The following RBMS3 variants were observed in gnomAD, a reference collection of about 807,000 sequenced individuals.
The protein encoded by RBMS3 is RNA-binding motif, single-stranded-interacting protein 3.
Under a neutral mutation model 66.8 loss-of-function variants are expected in RBMS3, and 27 were observed. The observed-to-expected ratio is 0.40, with a 90% CI of 0.30 to 0.56. RBMS3 has a LOEUF of 0.56. RBMS3 is among the 20% of genes least tolerant of loss of function. The pLI is 0.40. For missense variants in RBMS3, 513 were observed against 549.5 expected (o/e 0.93, Z 0.66); for synonymous variants, 188 against 183.0 (o/e 1.03, Z -0.22).
At chr3:29,965,132 T>C (rs1696741796) in intron 12 of RBMS3, among the ~76,000 whole-genome samples, 1 of 152,226 alleles carries the variant, frequency 6.6e-6, no homozygotes, top group Non-Finnish European at 1.5e-5. Flanking sequence ...GATGGGCATT[T>C]GGGTTGGTTC....
At chr3:29,658,531 T>C (rs1008095559) in intron 4 of RBMS3, among the ~76,000 whole-genome samples, 7 of 152,252 alleles carry the variant, frequency 4.6e-5, no homozygotes, top group Non-Finnish European at 8.8e-5. Context: ...TAGCTATGAA[T>C]GTAATCATTC....
At chr3:29,318,330 G>A (rs1037228717) in intron 1 of RBMS3, among the ~76,000 whole-genome samples, 1 of 151,858 alleles carries the variant, frequency 6.6e-6, no homozygotes, top group African/African-American at 2.4e-5. Flanking sequence ...GGTAACTTGG[G>A]TGTCAGTTGC....
chr3:29,739,762 C>T lies in RBMS3; in HGVS notation c.442C>T (p.Pro148Ser), dbSNP rs200900748. Reference protein sequence around the residue: ...DPTNLYISNLPISMDEQELEN... With the variant: ...DPTNLYISNLSISMDEQELEN... ...AACAAACCTATACATCTCAAATCTC[C>T]CCATTTCTATGGATGAGCAGGAGCT... Residue 148 changes from proline (P) to serine (S), a missense_variant, in exon 5 of 15, where the codon CCC becomes TCC. Coordinates refer to ENST00000383767, the MANE Select transcript of RBMS3 (RefSeq NM_001003793.3). 1 of 1,612,292 alleles carries T rather than the reference C, an allele frequency of 6.2e-7. No homozygotes were observed. Among genetic ancestry groups the T allele is most frequent in the Non-Finnish European group, 8.5e-7 (1 of 1,179,206 alleles).
intron 3 of RBMS3, among the ~76,000 whole-genome samples, chr3:29,566,413 T>A (rs1281955471): frequency 6.6e-6 from 1 of 152,114 alleles, no homozygotes; most frequent in South Asian, 2.1e-4. Flanking sequence ...GCATGCAAAT[T>A]GATGTAAAAA....
chr3:29,588,932 G>A lies in RBMS3; in HGVS notation c.399+1727G>A, dbSNP rs148690444. Reference sequence around the variant, plus strand: ...GAAAATGAATAGAAAAATGCTTAACGAAAAAGTTGTTATTGGAATTTCTTG... The same window carrying A: ...GAAAATGAATAGAAAAATGCTTAACAAAAAAGTTGTTATTGGAATTTCTTG... On this transcript the variant is annotated intron_variant, in intron 4 of 14. Coordinates refer to ENST00000383767, the MANE Select transcript of RBMS3 (RefSeq NM_001003793.3). Among the ~76,000 whole-genome samples, 387 of 152,116 alleles carry A rather than the reference G, an allele frequency of 2.5e-3. 3 individuals are homozygous for A. The highest frequency in any genetic ancestry group is 8.8e-3 in the African/African-American group (365 of 41,538).
chr3:29,366,622 G>A (rs544956993), intron 1 of RBMS3, among the ~76,000 whole-genome samples: 1 of 152,006 alleles, frequency 6.6e-6, no homozygotes, highest in East Asian at 1.9e-4. Flanking sequence ...CGATCTGCCC[G>A]TCTCTGCCTC....
intron 4 of RBMS3, among the ~76,000 whole-genome samples, chr3:29,690,209 G>C (rs2149272027): frequency 6.6e-6 from 1 of 152,180 alleles, no homozygotes; most frequent in East Asian, 1.9e-4. Flanking sequence ...CAGCACTTTG[G>C]AAGCCCGAAG....
intron 4 of RBMS3, among the ~76,000 whole-genome samples, chr3:29,700,508 T>G (rs1346623244): frequency 6.6e-6 from 1 of 152,168 alleles, no homozygotes; most frequent in Admixed American, 6.6e-5. Context: ...TGGCTGGCTC[T>G]AGGAATCCAA....
intron 4 of RBMS3, among the ~76,000 whole-genome samples, chr3:29,588,745 A>G (rs2149096368): frequency 6.6e-6 from 1 of 152,222 alleles, no homozygotes; most frequent in East Asian, 1.9e-4. Flanking sequence ...TTAATTAATA[A>G]GGAAATTATA....
chr3:29,309,690 A>G (rs2125462777), intron 1 of RBMS3, among the ~76,000 whole-genome samples: 1 of 151,846 alleles, frequency 6.6e-6, no homozygotes, highest in African/African-American at 2.4e-5. Context: ...AGCAAAGGGA[A>G]TATGAAATTT....
In RBMS3 at chr3:29,330,353, T is replaced by A. The variant is rs1302199617; in HGVS notation, c.75+48597T>A. Among the ~76,000 whole-genome samples the A allele has an allele frequency of 2.0e-5, 3 of 152,192 alleles. No individual in the cohort carries two copies. In the East Asian group the frequency reaches 5.8e-4, roughly 29 times the overall value. On this transcript the variant is annotated intron_variant, in intron 1 of 14. Coordinates refer to ENST00000383767, the MANE Select transcript of RBMS3 (RefSeq NM_001003793.3). ...GTTAGGTTTGTCACTCAATAGCTTC[T>A]GCATTCAGCCATCTCTGTACTGGAT...
At chr3:29,913,231 G>A (rs2060559802) in intron 10 of RBMS3, among the ~76,000 whole-genome samples, 1 of 151,958 alleles carries the variant, frequency 6.6e-6, no homozygotes. Context: ...TGCATAAATT[G>A]ATGATTTGGC....
chr3:29,363,091 GT>G (rs1397737254), intron 1 of RBMS3, among the ~76,000 whole-genome samples: 1 of 152,096 alleles, frequency 6.6e-6, no homozygotes, highest in African/African-American at 2.4e-5. Context: ...TGCTTTTTTA[GT>G]TTTGTGCTCA....
intron 10 of RBMS3, among the ~76,000 whole-genome samples, chr3:29,934,877 T>C (rs189743752): frequency 4.6e-5 from 7 of 152,140 alleles, no homozygotes; most frequent in Admixed American, 2.0e-4. Flanking sequence ...ATTTCGATAA[T>C]ACCAGGAAGA....
At chr3:29,400,987 T>C (rs1368614958) in intron 1 of RBMS3, among the ~76,000 whole-genome samples, 1 of 152,082 alleles carries the variant, frequency 6.6e-6, no homozygotes, top group Non-Finnish European at 1.5e-5. Context: ...TGGAAGGTTT[T>C]AGGATAAGAT....
intron 3 of RBMS3, among the ~76,000 whole-genome samples, chr3:29,531,716 G>A (rs571627211): frequency 6.6e-6 from 1 of 152,286 alleles, no homozygotes; most frequent in East Asian, 1.9e-4. Flanking sequence ...ATGCAGTTCT[G>A]TGCATCTGCA....
intron 3 of RBMS3, among the ~76,000 whole-genome samples, chr3:29,530,329 G>C (rs1282501990): frequency 1.3e-5 from 2 of 152,102 alleles, no homozygotes; most frequent in Non-Finnish European, 2.9e-5. Context: ...ACCAAATTTA[G>C]AATTGTGAAA....
intron 4 of RBMS3, among the ~76,000 whole-genome samples, chr3:29,590,777 T>C (rs1404786598): frequency 6.6e-6 from 1 of 152,090 alleles, no homozygotes; most frequent in African/African-American, 2.4e-5. Context: ...ATATTTATTT[T>C]ACTCAGTAGG....
At chr3:29,653,624 A>C (rs1443156685) in intron 4 of RBMS3, among the ~76,000 whole-genome samples, 1 of 152,116 alleles carries the variant, frequency 6.6e-6, no homozygotes, top group African/African-American at 2.4e-5. Flanking sequence ...CTTAATTAAC[A>C]TAACACTCTT....
Sources: gnomAD v4.1 joint callset for allele counts (sites outside exome capture counted in the v4.1 genomes callset) on GRCh38, gnomAD v4.1.1 for gene constraint, MANE v1.5 for transcripts, NCBI Gene and HGNC (gene_info 2026-07-23, HGNC 2026-07-21) for gene names.